Variants in CLEC16A observed in about 807,000 individuals in gnomAD.
CLEC16A encodes protein CLEC16A.
CLEC16A carries 51 observed loss-of-function variants against 109.5 expected under a neutral mutation model. The ratio of observed to expected loss-of-function variants is 0.47; its 90% CI spans 0.37 to 0.59. The LOEUF (loss-of-function observed/expected upper bound fraction) is 0.59, where lower values mean the gene tolerates loss of function less well. CLEC16A is among the 20% of genes least tolerant of loss of function. The pLI, the probability that CLEC16A is intolerant of heterozygous loss-of-function variation, is 0.00. For missense variants in CLEC16A, 1,339 were observed against 1,394.0 expected (o/e 0.96, Z 0.63); for synonymous variants, 673 against 564.2 (o/e 1.19, Z -2.73).
intron 13 of CLEC16A, among the ~76,000 whole-genome samples, chr16:11,039,063 G>A (rs543343094): frequency 6.6e-6 from 1 of 152,178 alleles, no homozygotes; most frequent in South Asian, 2.1e-4. Flanking sequence ...TTCCTCAAGC[G>A]TAGAAGGTGC....
At chr16:11,000,939 G>A in intron 10 of CLEC16A, among the ~76,000 whole-genome samples, 1 of 152,218 alleles carries the variant, frequency 6.6e-6, no homozygotes, top group African/African-American at 2.4e-5. Context: ...TAATGGAAAA[G>A]TTTATTTTGA....
chr16:11,079,853 T>A (rs1372155805), intron 19 of CLEC16A, among the ~76,000 whole-genome samples: 1 of 152,152 alleles, frequency 6.6e-6, no homozygotes, highest in Non-Finnish European at 1.5e-5. Flanking sequence ...TGGGCCCCCT[T>A]CCCTTTGCTG....
At chr16:10,962,200 C>T (rs1211560676) in intron 2 of CLEC16A, among the ~76,000 whole-genome samples, 1 of 152,122 alleles carries the variant, frequency 6.6e-6, no homozygotes, top group Non-Finnish European at 1.5e-5. Context: ...CATCCTGCCT[C>T]AGCCTCCCAA....
chr16:11,056,845 C>T (rs2048237347), intron 18 of CLEC16A: 1 of 152,200 alleles, frequency 6.6e-6, no homozygotes, highest in Non-Finnish European at 1.5e-5. Context: ...AAAGAGTGTA[C>T]TGTGGTCTTG....
In CLEC16A at chr16:11,103,693, T is replaced by C. The variant is rs79441806; in HGVS notation, c.2117-16922T>C. ...CCTGGTCTTCCCCTGCTGTGGCTCT[T>C]GTCCCATGGCATGTAATTGTCACTT... On this transcript the variant is annotated intron_variant, in intron 19 of 23. Coordinates refer to ENST00000409790, the MANE Select transcript of CLEC16A (RefSeq NM_015226.3). Among the ~76,000 whole-genome samples, 468 of 152,306 alleles carry C rather than the reference T, an allele frequency of 3.1e-3. 1 individual carries two copies. The highest frequency in any genetic ancestry group is 0.011 in the African/African-American group (443 of 41,562).
intron 13 of CLEC16A, among the ~76,000 whole-genome samples, chr16:11,033,674 A>C (rs2046870573): frequency 6.6e-6 from 1 of 152,178 alleles, no homozygotes; most frequent in African/African-American, 2.4e-5. Context: ...TCTCTTTCTC[A>C]TAGATTTTTT....
intron 22 of CLEC16A, among the ~76,000 whole-genome samples, chr16:11,162,669 A>T (rs1461198620): frequency 6.6e-6 from 1 of 152,168 alleles, no homozygotes; most frequent in East Asian, 1.9e-4. Flanking sequence ...CTCCATCTTG[A>T]GCATTTCCCC....
rs1444981177 is a variant in CLEC16A, at chr16:11,174,759, A to G, written c.2807-3576A>G. Among the ~76,000 whole-genome samples the G allele has an allele frequency of 6.6e-6, 1 of 152,234 alleles. No individual in the cohort carries two copies. Among genetic ancestry groups the G allele is most frequent in the African/African-American group, 2.4e-5 (1 of 41,458 alleles). On this transcript the variant is annotated intron_variant, in intron 23 of 23. Coordinates refer to ENST00000409790, the MANE Select transcript of CLEC16A (RefSeq NM_015226.3). This position sits in a 1 kb window ranked among gnomAD's most constrained non-coding sequence, Gnocchi z 4.7. ...TTTCTTCCCCTAGTCTTGATCTAAG[A>G]TAAGTGGCAAATTCAGTCCTGTTTT...
Position 11,020,306 on chromosome 16 carries a change from G to C in CLEC16A, c.1417G>C (p.Glu473Gln). ...GAAAAGCGCCGCCGCCACCTGCTCT[G>C]AGAGCACGCAATGGAGCAGGTAGCT... Reference protein sequence around the residue: ...EEKSAAATCSESTQWSRPFLD... With the variant: ...EEKSAAATCSQSTQWSRPFLD... Residue 473 changes from glutamate (E) to glutamine (Q), a missense_variant, in exon 12 of 24, where the codon GAG (glutamate) becomes CAG (glutamine). Glu to Gln is a conservative substitution (Grantham distance 29). Coordinates refer to ENST00000409790, the MANE Select transcript of CLEC16A (RefSeq NM_015226.3). The C allele has an allele frequency of 6.2e-7, 1 of 1,612,192 alleles. No homozygotes were observed. The highest frequency in any genetic ancestry group is 8.5e-7 in the Non-Finnish European group (1 of 1,179,120).
chr16:11,096,176 C>CT (rs1442819632), intron 19 of CLEC16A, among the ~76,000 whole-genome samples: 1 of 100,654 alleles, frequency 9.9e-6, no homozygotes, highest in Non-Finnish European at 2.0e-5. Flanking sequence ...GACCCCATCT[C>CT]TAAAAAAAAA....
chr16:10,969,099 T>C, intron 3 of CLEC16A, 62 bp from the exon 4 acceptor site: 1 of 1,431,470 alleles, frequency 7.0e-7, no homozygotes, highest in Non-Finnish European at 9.6e-7. Context: ...GTCATCTGCT[T>C]GTTACCTGGC....
chr16:10,970,620 C>G (rs955622099), intron 4 of CLEC16A, among the ~76,000 whole-genome samples: 2 of 152,206 alleles, frequency 1.3e-5, no homozygotes, highest in Non-Finnish European at 2.9e-5. Flanking sequence ...CCAGGCTGGT[C>G]TCAAAACTCC....
intron 22 of CLEC16A, among the ~76,000 whole-genome samples, chr16:11,163,045 T>C (rs1005530092): frequency 6.6e-6 from 1 of 152,228 alleles, no homozygotes; most frequent in Non-Finnish European, 1.5e-5. Context: ...GATCTCTGGC[T>C]TGTCTGTGTG....
chr16:11,010,546 C>G (rs1293193631), intron 11 of CLEC16A, among the ~76,000 whole-genome samples: 1 of 152,096 alleles, frequency 6.6e-6, no homozygotes, highest in Non-Finnish European at 1.5e-5. Context: ...ATTGTATTTT[C>G]TCTGTCTGCA....
chr16:11,156,552 C>G, intron 22 of CLEC16A: 4 of 1,297,788 alleles, frequency 3.1e-6, no homozygotes, highest in Non-Finnish European at 4.1e-6. Flanking sequence ...TCTAACCCGC[C>G]TTCCTCCTGC....
chr16:11,047,276 C>T lies in CLEC16A; in HGVS notation c.1816-16C>T. The T allele has an allele frequency of 2.5e-6, 4 of 1,603,698 alleles. 1 individual carries two copies. The South Asian group carries it at 3.3e-5, about 13-fold the overall frequency. ...ATATGAATAATCTCCTCTTCCCTCCCTTCCTTTCTTTTTAGGGAGAAGACA... is the reference window on the plus strand; with the variant it reads ...ATATGAATAATCTCCTCTTCCCTCCTTTCCTTTCTTTTTAGGGAGAAGACA... On this transcript the variant is annotated splice_polypyrimidine_tract_variant and intron_variant, in intron 16 of 23. Transcript: ENST00000409790.
At chr16:11,057,824 C>G (rs1319015219) in intron 18 of CLEC16A, among the ~76,000 whole-genome samples, 1 of 152,198 alleles carries the variant, frequency 6.6e-6, no homozygotes, top group Admixed American at 6.5e-5. Flanking sequence ...AGCTTGGAAT[C>G]TAGTTATTCA....
chr16:10,976,916 G>C (rs190935326), intron 7 of CLEC16A, among the ~76,000 whole-genome samples: 186 of 152,330 alleles, frequency 1.2e-3, no homozygotes, highest in African/African-American at 3.7e-3. Context: ...CTGCTTATCT[G>C]GGGAGCCAGG....
intron 22 of CLEC16A, among the ~76,000 whole-genome samples, chr16:11,155,361 A>G (rs1377458195): frequency 6.6e-6 from 1 of 152,216 alleles, no homozygotes; most frequent in Non-Finnish European, 1.5e-5. Context: ...TCACATGCCC[A>G]GAGCCACGGC....
Sources: gnomAD v4.1 joint callset for allele counts (sites outside exome capture counted in the v4.1 genomes callset) on GRCh38, gnomAD v4.1.1 for gene constraint, Gnocchi (gnomAD v3.1) non-coding constraint, MANE v1.5 for transcripts, NCBI Gene and HGNC (gene_info 2026-07-23, HGNC 2026-07-21) for gene names.